The following GHR variants were observed in gnomAD, a reference collection of about 807,000 sequenced individuals.
GHR encodes the protein growth hormone receptor.
A neutral mutation model predicts 67.1 loss-of-function variants in GHR; 35 were observed. That is an observed-to-expected ratio of 0.52 (90% CI 0.40 to 0.69). The LOEUF is 0.69. Among genes scored for constraint, GHR ranks in the 30% least tolerant of loss-of-function variants. The pLI, the probability that GHR is intolerant of heterozygous loss-of-function variation, is 0.00. For synonymous variants in GHR, 272 were observed against 269.1 expected (o/e 1.01, Z -0.10); for missense variants, 792 against 764.6 (o/e 1.04, Z -0.42).
At position 42,453,114 on chromosome 5, in the gene GHR, T is replaced by A. The variant is rs369614846; in HGVS notation, c.-12+29159T>A. 1.2e-3 allele frequency among the ~76,000 whole-genome samples: 179 copies of A among 152,266 alleles called. 2 individuals are homozygous for A. Among genetic ancestry groups the A allele is most frequent in the Admixed American group, 3.3e-3 (50 of 15,288 alleles). ...TCAGACTCTAATGTTTATTTTAGCCTAATTGGAGTCTTGGTGCTTGTAGGG... is the reference window on the plus strand; with the variant it reads ...TCAGACTCTAATGTTTATTTTAGCCAAATTGGAGTCTTGGTGCTTGTAGGG... On this transcript the variant is annotated intron_variant, in intron 1 of 9. Transcript: ENST00000230882.
intron 1 of GHR, among the ~76,000 whole-genome samples, chr5:42,488,648 T>C (rs1489088275): frequency 2.0e-5 from 3 of 152,216 alleles, no homozygotes; most frequent in Non-Finnish European, 2.9e-5. Flanking sequence ...ATATTTCATG[T>C]AATAGGGATT....
chr5:42,482,728 G>A (rs1745706058), intron 1 of GHR, among the ~76,000 whole-genome samples: 2 of 152,186 alleles, frequency 1.3e-5, no homozygotes, highest in African/African-American at 4.8e-5. Flanking sequence ...AAGCCCATTG[G>A]GAAAGTGCAG....
chr5:42,456,040 C>T (rs760646232), intron 1 of GHR, among the ~76,000 whole-genome samples: 4 of 152,224 alleles, frequency 2.6e-5, no homozygotes, highest in Non-Finnish European at 5.9e-5. Context: ...GGGCCACACA[C>T]AATGGCTTAC....
intron 5 of GHR, among the ~76,000 whole-genome samples, chr5:42,698,268 A>C (rs1757772271): frequency 6.6e-6 from 1 of 152,210 alleles, no homozygotes; most frequent in African/African-American, 2.4e-5. Context: ...TTATGCCTGT[A>C]ATGGTGGTAC....
intron 1 of GHR, among the ~76,000 whole-genome samples, chr5:42,458,080 T>A (rs1744334187): frequency 6.6e-6 from 1 of 152,258 alleles, no homozygotes; most frequent in Admixed American, 6.5e-5. Flanking sequence ...AAATGTTTAT[T>A]CTTTTGCTTA....
intron 1 of GHR, among the ~76,000 whole-genome samples, chr5:42,479,055 T>G (rs1010021114): frequency 6.6e-6 from 1 of 152,230 alleles, no homozygotes; most frequent in African/African-American, 2.4e-5. Flanking sequence ...TTGAGATATG[T>G]CCCATCATTA....
intron 6 of GHR, among the ~76,000 whole-genome samples, chr5:42,705,433 A>C (rs1442748641): frequency 6.6e-6 from 1 of 152,032 alleles, no homozygotes; most frequent in African/African-American, 2.4e-5. Context: ...GTTCAGAGAT[A>C]CATGTGCACG....
intron 1 of GHR, among the ~76,000 whole-genome samples, chr5:42,455,389 T>C (rs1744220110): frequency 6.6e-6 from 1 of 152,154 alleles, no homozygotes; most frequent in Admixed American, 6.5e-5. Flanking sequence ...GCAGGAGATG[T>C]ATGTTAGCCC....
At chr5:42,517,023 C>T (rs1031353953) in intron 1 of GHR, among the ~76,000 whole-genome samples, 5 of 152,192 alleles carry the variant, frequency 3.3e-5, no homozygotes, top group Admixed American at 6.5e-5. Flanking sequence ...CTTTTTCAGT[C>T]TGCCTGCCCT....
intron 1 of GHR, among the ~76,000 whole-genome samples, chr5:42,476,799 C>A (rs1451017992): frequency 6.6e-6 from 1 of 152,186 alleles, no homozygotes; most frequent in African/African-American, 2.4e-5. Flanking sequence ...ATCAGTAAAA[C>A]CCTGATAGGG....
rs991986688 is a variant in GHR at position 42,667,612 on chromosome 5, G to A, written c.137-21278G>A. Reference sequence around the variant, plus strand: ...GATCCCCAAGTGATTACAATGTGCAGCCAGAGTTGAAATCCACTGGTCCAA... The same window carrying A: ...GATCCCCAAGTGATTACAATGTGCAACCAGAGTTGAAATCCACTGGTCCAA... On this transcript the variant is annotated intron_variant, in intron 3 of 9. Coordinates refer to ENST00000230882, the MANE Select transcript of GHR (RefSeq NM_000163.5). Among the ~76,000 whole-genome samples, 67 of 152,262 alleles carry A rather than the reference G, an allele frequency of 4.4e-4. 3 individuals are homozygous for A. Among genetic ancestry groups the A allele is most frequent in the Admixed American group, 5.2e-4 (8 of 15,282 alleles).
rs931201874 is a variant in GHR, at chr5:42,566,090, C to G, written c.70+146C>G. On this transcript the variant is annotated intron_variant, in intron 2 of 9. Coordinates refer to ENST00000230882, the MANE Select transcript of GHR (RefSeq NM_000163.5). ...AGGAAACTTGACTTAGCTTTAAAATCAGAAACTAGTAGGACTTTTCTGTGG... is the reference window on the plus strand; with the variant it reads ...AGGAAACTTGACTTAGCTTTAAAATGAGAAACTAGTAGGACTTTTCTGTGG... 5.6e-6 allele frequency: 5 copies of G among 899,290 alleles called. No homozygotes were observed. The African/African-American group carries it at 8.2e-5, about 15-fold the overall frequency. 55.7% of individuals were successfully genotyped at this position (899,290 alleles called of 1,614,324 possible).
intron 1 of GHR, among the ~76,000 whole-genome samples, chr5:42,493,923 T>C (rs1455922951): frequency 6.6e-6 from 1 of 152,170 alleles, no homozygotes; most frequent in East Asian, 1.9e-4. Flanking sequence ...CAGTTTTATA[T>C]AATCAACATA....
intron 1 of GHR, among the ~76,000 whole-genome samples, chr5:42,472,574 A>G (rs79299137): frequency 1.2e-3 from 178 of 152,348 alleles, no homozygotes; most frequent in African/African-American, 3.8e-3. Context: ...AACATGGTGT[A>G]TAGCCCATAA....
chr5:42,519,998 T>A (rs1747406655), intron 1 of GHR, among the ~76,000 whole-genome samples: 1 of 152,210 alleles, frequency 6.6e-6, no homozygotes, highest in South Asian at 2.1e-4. Context: ...GGTATGAATG[T>A]TGTGAATATT....
intron 1 of GHR, chr5:42,468,322 ATCT>A (rs1744829874): frequency 3.2e-6 from 5 of 1,566,378 alleles, no homozygotes; most frequent in South Asian, 2.2e-5. Flanking sequence ...TTCTGCAGTC[ATCT>A]TCTCTGCTCA....
At chr5:42,717,624 C>G (rs1758783972) in intron 8 of GHR, among the ~76,000 whole-genome samples, 1 of 152,094 alleles carries the variant, frequency 6.6e-6, no homozygotes, top group Non-Finnish European at 1.5e-5. Context: ...AATCTTGGCT[C>G]CATGTGGATT....
At chr5:42,529,984 A>C (rs1747887332) in intron 1 of GHR, among the ~76,000 whole-genome samples, 1 of 149,832 alleles carries the variant, frequency 6.7e-6, no homozygotes, top group South Asian at 2.1e-4. Flanking sequence ...AGAGTAAATC[A>C]GAAGTGAATC....
At chr5:42,583,239 C>A (rs951596731) in intron 2 of GHR, among the ~76,000 whole-genome samples, 2 of 152,174 alleles carry the variant, frequency 1.3e-5, no homozygotes, top group Non-Finnish European at 1.5e-5. Context: ...GTTTGGGAAG[C>A]CTTGCTTCAG....
Sources: gnomAD v4.1 joint callset for allele counts (sites outside exome capture counted in the v4.1 genomes callset) on GRCh38, gnomAD v4.1.1 for gene constraint, MANE v1.5 for transcripts, NCBI Gene and HGNC (gene_info 2026-07-23, HGNC 2026-07-21) for gene names.